CEP112: variants seen among roughly 807,000 people sequenced by gnomAD.
CEP112 encodes the protein centrosomal protein of 112 kDa.
Under a neutral mutation model 153.0 loss-of-function variants are expected in CEP112, and 127 were observed. The observed-to-expected ratio is 0.83, with a 90% CI of 0.72 to 0.96. The LOEUF (loss-of-function observed/expected upper bound fraction) is 0.96. Among genes scored for constraint, CEP112 ranks in the 40% least tolerant of loss-of-function variants. The pLI is 0.00. For missense variants in CEP112, 1,089 were observed against 1,101.2 expected, an observed-to-expected ratio of 0.99 and a Z score of 0.16; for synonymous variants, 358 against 374.4, an observed-to-expected ratio of 0.96 and a Z score of 0.51.
intron 17 of CEP112, among the ~76,000 whole-genome samples, chr17:65,969,070 TTG>T (rs1240885182): frequency 2.3e-5 from 3 of 129,482 alleles, no homozygotes; most frequent in East Asian, 4.9e-4. Flanking sequence ...TTTTGTTTTT[TTG>T]TGTGTGTGGA....
At chr17:65,892,676 T>C (rs2059511979) in intron 20 of CEP112, among the ~76,000 whole-genome samples, 1 of 152,158 alleles carries the variant, frequency 6.6e-6, no homozygotes, top group African/African-American at 2.4e-5. Context: ...ACTCATGGCA[T>C]TTGTCTAACG....
At chr17:66,171,984 G>C (rs911686684) in intron 4 of CEP112, among the ~76,000 whole-genome samples, 1 of 151,866 alleles carries the variant, frequency 6.6e-6, no homozygotes, top group Non-Finnish European at 1.5e-5. Context: ...TAAAATTTAT[G>C]CTTCCCTCAA....
At chr17:65,934,054 T>G (rs2061220857) in intron 18 of CEP112, among the ~76,000 whole-genome samples, 1 of 152,096 alleles carries the variant, frequency 6.6e-6, no homozygotes, top group Admixed American at 6.5e-5. Flanking sequence ...ATGGGCACAG[T>G]TGTGTGTGCC....
chr17:65,906,324 G>A (rs2060080794), intron 19 of CEP112, among the ~76,000 whole-genome samples: 1 of 151,978 alleles, frequency 6.6e-6, no homozygotes, highest in Admixed American at 6.6e-5. Flanking sequence ...TGTAGGTGAC[G>A]GGTTGATGGG....
At chr17:65,847,942 T>C (rs534587043) in intron 21 of CEP112, among the ~76,000 whole-genome samples, 32 of 152,146 alleles carry the variant, frequency 2.1e-4, no homozygotes, top group African/African-American at 6.7e-4. Context: ...GTGTGGCACA[T>C]TCTGGGAAAA....
At chr17:66,090,197 T>A (rs1378293947) in intron 8 of CEP112, among the ~76,000 whole-genome samples, 1 of 152,094 alleles carries the variant, frequency 6.6e-6, no homozygotes, top group Non-Finnish European at 1.5e-5. Flanking sequence ...ATCTTGATGC[T>A]CAAAGAAGAA....
chr17:65,691,167 G>T (rs547873223), intron 23 of CEP112, among the ~76,000 whole-genome samples: 1 of 148,694 alleles, frequency 6.7e-6, no homozygotes. Flanking sequence ...GGCAGGTGTT[G>T]GGGGAGAGGA....
intron 6 of CEP112, among the ~76,000 whole-genome samples, chr17:66,107,580 T>C (rs1051581399): frequency 3.3e-5 from 5 of 151,792 alleles, no homozygotes; most frequent in Non-Finnish European, 5.9e-5. Context: ...AGAAATTAAC[T>C]TAAATAAAAG....
At chr17:65,834,059 CA>C (rs1260213627) in intron 21 of CEP112, among the ~76,000 whole-genome samples, 1 of 152,066 alleles carries the variant, frequency 6.6e-6, no homozygotes, top group African/African-American at 2.4e-5. Flanking sequence ...CATTTATAAC[CA>C]CCTGATCTTT....
At chr17:65,722,964 A>G (rs1231608696) in intron 23 of CEP112, among the ~76,000 whole-genome samples, 2 of 152,258 alleles carry the variant, frequency 1.3e-5, no homozygotes, top group Non-Finnish European at 2.9e-5. Flanking sequence ...ATGGAAGAAT[A>G]TCCATTGTCT....
At position 66,030,006 on chromosome 17, in the gene CEP112, TTC is replaced by T; in HGVS notation, c.1234_1235del (p.Glu412ThrfsTer16). 6.2e-7 allele frequency: 1 copy of T among 1,613,666 alleles called. No homozygotes were observed. Among genetic ancestry groups the T allele is most frequent in the South Asian group, 1.1e-5 (1 of 90,980 alleles). On this transcript the variant is annotated frameshift_variant, in exon 13 of 27. Transcript: ENST00000535342. LOFTEE classifies it high-confidence loss of function. ...TCAGCTGCTGGACACGGGCCTCCAG[TTC>T]TTTGATCATGTGGTTCTAAAAGAAC... ...QTQSTNHMIK[E>X]LEARVQQLTG...
chr17:66,114,004 T>C (rs891444674), intron 6 of CEP112, among the ~76,000 whole-genome samples: 9 of 152,144 alleles, frequency 5.9e-5, no homozygotes, highest in African/African-American at 1.2e-4. Context: ...TCTTCTCTCA[T>C]ACTACCTCAA....
intron 19 of CEP112, among the ~76,000 whole-genome samples, chr17:65,918,367 G>A (rs753460581): frequency 1.5e-4 from 23 of 152,024 alleles, no homozygotes; most frequent in Non-Finnish European, 2.8e-4. Context: ...AATTTGTTTT[G>A]TCTTTGCTAC....
chr17:66,061,649 T>C (rs2066924470), intron 11 of CEP112, among the ~76,000 whole-genome samples: 1 of 151,694 alleles, frequency 6.6e-6, no homozygotes. Flanking sequence ...TGCAACAACA[T>C]GGACAAACTT....
intron 4 of CEP112, among the ~76,000 whole-genome samples, chr17:66,156,921 C>T (rs1330409298): frequency 4.6e-5 from 7 of 152,014 alleles, no homozygotes; most frequent in South Asian, 2.1e-4. Flanking sequence ...CTGAAAGTGA[C>T]GGGGAGAATG....
intron 17 of CEP112, among the ~76,000 whole-genome samples, chr17:66,002,126 C>T (rs1223003655): frequency 6.6e-6 from 1 of 152,096 alleles, no homozygotes; most frequent in Non-Finnish European, 1.5e-5. Context: ...AACTACAATC[C>T]TCCTTCTTAA....
intron 22 of CEP112, among the ~76,000 whole-genome samples, chr17:65,749,905 A>C (rs2051717651): frequency 6.7e-6 from 1 of 148,498 alleles, no homozygotes; most frequent in Non-Finnish European, 1.5e-5. Flanking sequence ...AACAATCATT[A>C]GATATGCTCA....
At position 65,849,633 on chromosome 17, in the gene CEP112, A is replaced by G. The variant is rs542853884; in HGVS notation, c.2394+2171T>C. ...AATTACGGCCTAAATTGGATGTGTT[A>G]TATGTCTGACTTTGGCATATCCAAT... On this transcript the variant is annotated intron_variant, in intron 21 of 26. Coordinates refer to ENST00000535342, the MANE Select transcript of CEP112 (RefSeq NM_001199165.4). 7.2e-5 allele frequency among the ~76,000 whole-genome samples: 11 copies of G among 152,336 alleles called. No individual in the cohort carries two copies. The East Asian group carries it at 2.1e-3, about 29-fold the overall frequency.
At chr17:65,941,734 T>G (rs1009534130) in intron 18 of CEP112, among the ~76,000 whole-genome samples, 2 of 152,096 alleles carry the variant, frequency 1.3e-5, no homozygotes, top group Non-Finnish European at 2.9e-5. Flanking sequence ...TTTCTGTGGC[T>G]GTTTAGTGTT....
Sources: gnomAD v4.1 joint callset for allele counts (sites outside exome capture counted in the v4.1 genomes callset) on GRCh38, gnomAD v4.1.1 for gene constraint, MANE v1.5 for transcripts, NCBI Gene and HGNC (gene_info 2026-07-23, HGNC 2026-07-21) for gene names.